The following PDP2 variants were observed in gnomAD, a reference collection of about 807,000 sequenced individuals.
The protein encoded by PDP2 is [Pyruvate dehydrogenase [acetyl-transferring]]-phosphatase 2, mitochondrial.
PDP2 carries 23 observed loss-of-function variants against 34.2 expected under a neutral mutation model. The ratio of observed to expected loss-of-function variants is 0.67; its 90% CI spans 0.48 to 0.95. PDP2 has a LOEUF of 0.95. Among genes scored for constraint, PDP2 ranks in the 40% least tolerant of loss-of-function variants. The pLI is 0.00. For synonymous variants in PDP2, 275 were observed against 269.2 expected, an observed-to-expected ratio of 1.02 and a Z score of -0.21; for missense variants, 571 against 659.6, an observed-to-expected ratio of 0.87 and a Z score of 1.47.
rs774110489 is a variant in PDP2 at position 66,885,082 on chromosome 16, G to A, written c.798G>A (p.Gly266=). The A allele has an allele frequency of 1.9e-6, 3 of 1,613,934 alleles. No individual in the cohort carries two copies. Among genetic ancestry groups the A allele is most frequent in the Non-Finnish European group, 2.5e-6 (3 of 1,180,032 alleles). The part of the protein sequence containing the change: ...RNLSLQVAFS[G]ATACMAHVDG... ...TGTCACTCCAGGTTGCTTTCTCTGG[G>A]GCAACAGCTTGCATGGCCCATGTTG... Residue 266 remains glycine (G), a synonymous_variant, in exon 2 of 2, where the codon GGG becomes GGA. Transcript: ENST00000311765. The surrounding 1 kb of genome is among the most constrained non-coding windows in gnomAD (Gnocchi z 4.6).
intron 1 of PDP2, among the ~76,000 whole-genome samples, chr16:66,883,718 G>C (rs1032211039): frequency 6.6e-6 from 1 of 152,026 alleles, no homozygotes; most frequent in Non-Finnish European, 1.5e-5. Context: ...AAAGTGCTAG[G>C]ATTACAGGCA....
At position 66,885,942 on chromosome 16, in the gene PDP2, T is replaced by A; in HGVS notation, c.*68T>A. Reference sequence around the variant, plus strand: ...TAAAATGTTTCACTTACTCCTAAACTAGCTATCCAAACCTTACTATTAAAA... The same window carrying A: ...TAAAATGTTTCACTTACTCCTAAACAAGCTATCCAAACCTTACTATTAAAA... On this transcript the variant is annotated 3_prime_UTR_variant, in exon 2 of 2. Coordinates refer to ENST00000311765, the MANE Select transcript of PDP2 (RefSeq NM_020786.4). The surrounding 1 kb of genome is among the most constrained non-coding windows in gnomAD (Gnocchi z 4.6). 1 of 1,458,658 alleles carries A rather than the reference T, an allele frequency of 6.9e-7. No individual in the cohort carries two copies. Among genetic ancestry groups the A allele is most frequent in the Non-Finnish European group, 9.3e-7 (1 of 1,070,950 alleles). 90.4% of individuals were successfully genotyped at this position (1,458,658 alleles called of 1,614,324 possible).
Position 66,889,373 on chromosome 16 carries a change from T to G in PDP2, c.*3499T>G, listed in dbSNP as rs1036401887. The stretch of plus-strand genomic sequence containing the variant: ...TGAAGTGCAGTGACACAGTCTCAGC[T>G]CACTGCAACGTCTGCCTCCCAGATT... On this transcript the variant is annotated 3_prime_UTR_variant, in exon 2 of 2. Transcript: ENST00000311765. 1.3e-5 allele frequency: 2 copies of G among 152,226 alleles called. No individual in the cohort carries two copies. The highest frequency in any genetic ancestry group is 4.8e-5 in the African/African-American group (2 of 41,446). The allele number at this position is 152,226 out of a possible 1,614,324, so 9.4% of individuals were successfully genotyped here. A position where few individuals can be genotyped will look rare whatever the true frequency, so the allele number is the denominator to read the frequency against.
chr16:66,881,776 G>T (rs1361027251), intron 1 of PDP2, among the ~76,000 whole-genome samples: 1 of 152,084 alleles, frequency 6.6e-6, no homozygotes, highest in Non-Finnish European at 1.5e-5. Flanking sequence ...GAAATCTTGG[G>T]CTCAAGCGAT....
chr16:66,885,970 G>A lies in PDP2; in HGVS notation c.*96G>A, dbSNP rs772772137. 45 of 1,283,740 alleles carry A rather than the reference G, an allele frequency of 3.5e-5. No individual in the cohort carries two copies. The highest frequency in any genetic ancestry group is 4.1e-4 in the Middle Eastern group (2 of 4,832). 79.5% of individuals were successfully genotyped at this position (1,283,740 alleles called of 1,614,324 possible). On this transcript the variant is annotated 3_prime_UTR_variant, in exon 2 of 2. Coordinates refer to ENST00000311765, the MANE Select transcript of PDP2 (RefSeq NM_020786.4). The surrounding 1 kb of genome is among the most constrained non-coding windows in gnomAD (Gnocchi z 4.6). ...CTATCCAAACCTTACTATTAAAAGC[G>A]CAGGCAGATTTAATTTGCTAAATAG...
At position 66,885,929 on chromosome 16, in the gene PDP2, C is replaced by A; in HGVS notation, c.*55C>A. 1 of 1,511,336 alleles carries A rather than the reference C, an allele frequency of 6.6e-7. No homozygotes were observed. The highest frequency in any genetic ancestry group is 9.0e-7 in the Non-Finnish European group (1 of 1,113,296). 93.6% of individuals were successfully genotyped at this position (1,511,336 alleles called of 1,614,324 possible). A position where few individuals can be genotyped will look rare whatever the true frequency, so the allele number is the denominator to read the frequency against. The stretch of plus-strand genomic sequence containing the variant: ...ATAAATGCTCTTCTAAAATGTTTCA[C>A]TTACTCCTAAACTAGCTATCCAAAC... On this transcript the variant is annotated 3_prime_UTR_variant, in exon 2 of 2. Coordinates refer to ENST00000311765, the MANE Select transcript of PDP2 (RefSeq NM_020786.4). This position sits in a 1 kb window ranked among gnomAD's most constrained non-coding sequence, Gnocchi z 4.6.
intron 1 of PDP2, among the ~76,000 whole-genome samples, chr16:66,881,436 T>TA (rs1313222353): frequency 6.7e-6 from 1 of 148,900 alleles, no homozygotes; most frequent in Non-Finnish European, 1.5e-5. Context: ...TTTTTTAATT[T>TA]AATTTAATTT....
chr16:66,883,667 C>T (rs1013765624), intron 1 of PDP2, among the ~76,000 whole-genome samples: 1 of 151,278 alleles, frequency 6.6e-6, no homozygotes, highest in African/African-American at 2.4e-5. Context: ...AGGCTAGTCT[C>T]GAACTCCTGG....
At position 66,885,848 on chromosome 16, in the gene PDP2, A is replaced by G. The variant is rs138025309; in HGVS notation, c.1564A>G (p.Ile522Val). Residue 522 changes from isoleucine (I) to valine (V), a missense_variant, in exon 2 of 2, where the codon ATC (isoleucine) becomes GTC (valine). Physicochemically the swap from Ile to Val is conservative, Grantham distance 29. Coordinates refer to ENST00000311765, the MANE Select transcript of PDP2 (RefSeq NM_020786.4). The surrounding 1 kb of genome is among the most constrained non-coding windows in gnomAD (Gnocchi z 4.6). ...TGTGGTGTATTTTAACTCAGAATCA[A>G]TCGGTGCATATTACAAGGGGGGTTA... ...VTVVYFNSESIGAYYKGG is the reference protein window; with the variant it reads ...VTVVYFNSESVGAYYKGG The G allele has an allele frequency of 5.6e-6, 9 of 1,609,014 alleles. No homozygotes were observed. In the Admixed American group the frequency reaches 6.7e-5, roughly 12 times the overall value.
At position 66,889,415 on chromosome 16, in the gene PDP2, C is replaced by T. The variant is rs1315158133; in HGVS notation, c.*3541C>T. 1 of 152,084 alleles carries T rather than the reference C, an allele frequency of 6.6e-6. No homozygotes were observed. Among genetic ancestry groups the T allele is most frequent in the Non-Finnish European group, 1.5e-5 (1 of 68,032 alleles). 9.4% of individuals were successfully genotyped at this position (152,084 alleles called of 1,614,324 possible). A position where few individuals can be genotyped will look rare whatever the true frequency, so the allele number is the denominator to read the frequency against. ...TCCCAGATTGAAGTGACTCTCGTGCCTCTGCCACAGAGTAGCTGGGATTAC... is the reference window on the plus strand; with the variant it reads ...TCCCAGATTGAAGTGACTCTCGTGCTTCTGCCACAGAGTAGCTGGGATTAC... On this transcript the variant is annotated 3_prime_UTR_variant, in exon 2 of 2. Coordinates refer to ENST00000311765, the MANE Select transcript of PDP2 (RefSeq NM_020786.4).
chr16:66,883,535 C>G (rs1961603505), intron 1 of PDP2, among the ~76,000 whole-genome samples: 1 of 152,094 alleles, frequency 6.6e-6, no homozygotes, highest in Non-Finnish European at 1.5e-5. Context: ...ACTTACCAGG[C>G]TCAGATGATT....
Position 66,885,800 on chromosome 16 carries a change from T to A in PDP2, c.1516T>A (p.Tyr506Asn). ...ATTGCCAGAGGACTTGGCGAGGATGTACAGGGATGATATCACTGTCACTGT... is the reference window on the plus strand; with the variant it reads ...ATTGCCAGAGGACTTGGCGAGGATGAACAGGGATGATATCACTGTCACTGT... ...LTLPEDLARM[Y>N]RDDITVTVVY... is the part of the protein sequence containing the mutation. The change falls in exon 2 of 2, where the codon TAC (tyrosine) becomes AAC (asparagine). Residue 506 changes from tyrosine to asparagine, a missense_variant. Transcript: ENST00000311765. This position sits in a 1 kb window ranked among gnomAD's most constrained non-coding sequence, Gnocchi z 4.6. The A allele has an allele frequency of 6.2e-7, 1 of 1,613,328 alleles. No homozygotes were observed. The highest frequency in any genetic ancestry group is 8.5e-7 in the Non-Finnish European group (1 of 1,179,932).
Position 66,885,803 on chromosome 16 carries a change from A to G in PDP2, c.1519A>G (p.Arg507Gly), listed in dbSNP as rs1204602920. 7 of 1,613,312 alleles carry G rather than the reference A, an allele frequency of 4.3e-6. No individual in the cohort carries two copies. The highest frequency in any genetic ancestry group is 1.1e-5 in the South Asian group (1 of 91,092). The change falls in exon 2 of 2, where the codon AGG becomes GGG. Residue 507 changes from arginine (R) to glycine (G), a missense_variant. Physicochemically the swap from Arg to Gly is moderately radical, Grantham distance 125. This residue lies in a region of PDP2 where 281 missense variants were observed against 375.8 expected (regional missense o/e 0.75). Transcript: ENST00000311765. This position sits in a 1 kb window ranked among gnomAD's most constrained non-coding sequence, Gnocchi z 4.6. ...GCCAGAGGACTTGGCGAGGATGTACAGGGATGATATCACTGTCACTGTGGT... is the reference window on the plus strand; with the variant it reads ...GCCAGAGGACTTGGCGAGGATGTACGGGGATGATATCACTGTCACTGTGGT... Reference protein sequence around the residue: ...TLPEDLARMYRDDITVTVVYF... With the variant: ...TLPEDLARMYGDDITVTVVYF...
intron 1 of PDP2, among the ~76,000 whole-genome samples, chr16:66,882,236 T>C (rs1220448078): frequency 3.3e-5 from 5 of 152,166 alleles, no homozygotes; most frequent in African/African-American, 1.2e-4. Flanking sequence ...GAAGATCGCT[T>C]GAGCCTAGGA....
In PDP2 at chr16:66,889,954, T is replaced by C. The variant is rs1245163478; in HGVS notation, c.*4080T>C. ...CAGACTGAGTGACAGAGTGAGACTG[T>C]GTCTAAAAAAAAAGTTTGAATTAAA... On this transcript the variant is annotated 3_prime_UTR_variant, in exon 2 of 2. Coordinates refer to ENST00000311765, the MANE Select transcript of PDP2 (RefSeq NM_020786.4). 1.4e-5 allele frequency: 2 copies of C among 142,248 alleles called. No homozygotes were observed. The highest frequency in any genetic ancestry group is 2.7e-5 in the African/African-American group (1 of 37,602). 8.8% of individuals were successfully genotyped at this position (142,248 alleles called of 1,614,324 possible).
In PDP2 at chr16:66,884,710, A is replaced by G. The variant is rs1961668152; in HGVS notation, c.426A>G (p.Gly142=). 1 of 1,614,100 alleles carries G rather than the reference A, an allele frequency of 6.2e-7. No individual in the cohort carries two copies. The highest frequency in any genetic ancestry group is 1.3e-5 in the African/African-American group (1 of 74,938). Residue 142 remains glycine, a synonymous_variant, in exon 2 of 2, where the codon GGA becomes GGG. Transcript: ENST00000311765. ...TNGLMFGIFD[G]HGGHACAQAV... ...GACTGATGTTTGGCATCTTCGATGG[A>G]CATGGTGGTCATGCATGTGCCCAAG...
rs1193369575 is a variant in PDP2, at chr16:66,884,671, C to T, written c.387C>T (p.Cys129=). ...AGGACCGGCGAGGTGTAGCCTCCTG[C>T]CTGCAAACCAATGGACTGATGTTTG... ...PVEDRRGVAS[C]LQTNGLMFGI... is the part of the protein sequence containing the mutation. Residue 129 remains cysteine (C), a synonymous_variant, in exon 2 of 2, where the codon TGC becomes TGT. Transcript: ENST00000311765. 2.5e-6 allele frequency: 4 copies of T among 1,614,192 alleles called. No homozygotes were observed. The highest frequency in any genetic ancestry group is 2.5e-6 in the Non-Finnish European group (3 of 1,180,042).
rs1047937681 is a variant in PDP2 at position 66,889,057 on chromosome 16, G to T, written c.*3183G>T. The T allele has an allele frequency of 4.6e-5, 7 of 152,312 alleles. No individual in the cohort carries two copies. Among genetic ancestry groups the T allele is most frequent in the South Asian group, 4.1e-4 (2 of 4,830 alleles). 9.4% of individuals were successfully genotyped at this position (152,312 alleles called of 1,614,324 possible). A position where few individuals can be genotyped will look rare whatever the true frequency, so the allele number is the denominator to read the frequency against. ...TCCTGCTGTCATTGGACTTCTTGAA[G>T]CACATGGGCTACTGCCCCAGGACAC... On this transcript the variant is annotated 3_prime_UTR_variant, in exon 2 of 2. Coordinates refer to ENST00000311765, the MANE Select transcript of PDP2 (RefSeq NM_020786.4).
chr16:66,885,520 T>A lies in PDP2; in HGVS notation c.1236T>A (p.Asp412Glu). 6.2e-7 allele frequency: 1 copy of A among 1,614,088 alleles called. No homozygotes were observed. Among genetic ancestry groups the A allele is most frequent in the Non-Finnish European group, 8.5e-7 (1 of 1,180,036 alleles). The change falls in exon 2 of 2, where the codon GAT becomes GAA. Residue 412 changes from aspartate to glutamate, a missense_variant. Around this residue, in one of 2 missense-constraint regions of PDP2, gnomAD observed 281 missense variants for 375.8 expected, o/e 0.75. Transcript: ENST00000311765. The surrounding 1 kb of genome is among the most constrained non-coding windows in gnomAD (Gnocchi z 4.6). ...PQDKFLVLAS[D>E]GLWDMLSNED... Reference sequence around the variant, plus strand: ...ATAAGTTCCTTGTGCTGGCCTCAGATGGCCTGTGGGACATGCTGAGCAATG... The same window carrying A: ...ATAAGTTCCTTGTGCTGGCCTCAGAAGGCCTGTGGGACATGCTGAGCAATG...
Sources: gnomAD v4.1 joint callset for allele counts (sites outside exome capture counted in the v4.1 genomes callset) on GRCh38, gnomAD v4.1.1 for gene constraint, gnomAD v4.1.1 regional missense constraint, Gnocchi (gnomAD v3.1) non-coding constraint, MANE v1.5 for transcripts, NCBI Gene and HGNC (gene_info 2026-07-23, HGNC 2026-07-21) for gene names.